AMBRA1: variants seen among roughly 807,000 people sequenced by gnomAD.
AMBRA1 encodes the protein autophagy and beclin 1 regulator 1.
Under a neutral mutation model 125.4 loss-of-function variants are expected in AMBRA1, and 47 were observed. That is an observed-to-expected ratio of 0.37 (90% CI 0.30 to 0.48). AMBRA1 has a LOEUF of 0.48. Ranked by LOEUF, AMBRA1 falls within the 20% of genes least tolerant of loss-of-function variation. The pLI is 0.99. For synonymous variants in AMBRA1, 626 were observed against 655.5 expected (o/e 0.95, Z 0.69); for missense variants, 1,331 against 1,693.4 (o/e 0.79, Z 3.76).
At chr11:46,501,113 T>C (rs1950821659) in intron 9 of AMBRA1, among the ~76,000 whole-genome samples, 1 of 152,232 alleles carries the variant, frequency 6.6e-6, no homozygotes, top group African/African-American at 2.4e-5. Context: ...TGCTGTTTCA[T>C]GTTTCTATGA....
At chr11:46,462,327 C>T (rs1276277970) in intron 11 of AMBRA1, among the ~76,000 whole-genome samples, 1 of 152,160 alleles carries the variant, frequency 6.6e-6, no homozygotes, top group South Asian at 2.1e-4. Flanking sequence ...TATGGGAAAC[C>T]AGGAAATAAT....
chr11:46,517,513 T>C (rs1370203156), intron 7 of AMBRA1, among the ~76,000 whole-genome samples: 2 of 131,078 alleles, frequency 1.5e-5, no homozygotes, highest in Admixed American at 8.6e-5. Flanking sequence ...TGAAGGCCAC[T>C]GCTCTATCAA....
intron 1 of AMBRA1, among the ~76,000 whole-genome samples, chr11:46,581,039 C>A (rs2044150801): frequency 6.6e-6 from 1 of 152,060 alleles, no homozygotes; most frequent in African/African-American, 2.4e-5. Context: ...AGCAATCCAC[C>A]CGCCTCAGCC....
At chr11:46,496,344 T>G (rs1156467164) in intron 9 of AMBRA1, among the ~76,000 whole-genome samples, 1 of 152,164 alleles carries the variant, frequency 6.6e-6, no homozygotes, top group Non-Finnish European at 1.5e-5. Flanking sequence ...ATTGCGCCTT[T>G]GCACTCCAGC....
rs534235144 is a variant in AMBRA1, at chr11:46,458,942, A to G, written c.2522-15344T>C. ...GGGACTGGCTGAATTATACAGAACC[A>G]AATCATAATTTAAAGGAGTTTTTAG... On this transcript the variant is annotated intron_variant, in intron 11 of 17. Coordinates refer to ENST00000683756, the MANE Select transcript of AMBRA1 (RefSeq NM_001387011.1). 3.3e-5 allele frequency among the ~76,000 whole-genome samples: 5 copies of G among 152,358 alleles called. 1 individual carries two copies. The South Asian group carries it at 1.0e-3, about 32-fold the overall frequency.
chr11:46,463,797 G>A (rs1183723675), intron 11 of AMBRA1, among the ~76,000 whole-genome samples: 1 of 152,198 alleles, frequency 6.6e-6, no homozygotes, highest in Non-Finnish European at 1.5e-5. Context: ...TATAACTGCA[G>A]CCAAAACAAA....
chr11:46,449,118 A>G (rs1948451315), intron 11 of AMBRA1, among the ~76,000 whole-genome samples: 1 of 152,192 alleles, frequency 6.6e-6, no homozygotes. Flanking sequence ...TTTCCCCCTA[A>G]GACCAGGAAC....
intron 1 of AMBRA1, among the ~76,000 whole-genome samples, chr11:46,550,367 C>G (rs2042955342): frequency 6.6e-6 from 1 of 152,170 alleles, no homozygotes; most frequent in Non-Finnish European, 1.5e-5. Flanking sequence ...ACTGTACCAT[C>G]ATTAGTGATC....
At chr11:46,442,989 T>C (rs1298927171) in intron 12 of AMBRA1, among the ~76,000 whole-genome samples, 1 of 152,202 alleles carries the variant, frequency 6.6e-6, no homozygotes, top group Non-Finnish European at 1.5e-5. Context: ...CCCAAAGTGC[T>C]GGGATTACAG....
chr11:46,580,546 G>A (rs935633509), intron 1 of AMBRA1, among the ~76,000 whole-genome samples: 3 of 152,096 alleles, frequency 2.0e-5, no homozygotes, highest in African/African-American at 4.8e-5. Flanking sequence ...CAGATGCTCA[G>A]GCCAAAAATC....
At chr11:46,515,162 C>G (rs1951420822) in intron 7 of AMBRA1, among the ~76,000 whole-genome samples, 1 of 152,134 alleles carries the variant, frequency 6.6e-6, no homozygotes, top group African/African-American at 2.4e-5. Flanking sequence ...CAAGCAGCAT[C>G]CTCCACAGTG....
At chr11:46,554,530 T>C (rs1280625052) in intron 1 of AMBRA1, among the ~76,000 whole-genome samples, 1 of 152,196 alleles carries the variant, frequency 6.6e-6, no homozygotes, top group Non-Finnish European at 1.5e-5. Context: ...GCTTTACTGA[T>C]GGGAAGAAGT....
chr11:46,518,136 A>C, intron 7 of AMBRA1: 2 of 984,996 alleles, frequency 2.0e-6, no homozygotes, highest in Non-Finnish European at 2.4e-6. Flanking sequence ...TGTTTTCAGA[A>C]GAATTACTCA....
At chr11:46,428,771 T>C in intron 14 of AMBRA1, 3 of 1,611,230 alleles carry the variant, frequency 1.9e-6, no homozygotes, top group Non-Finnish European at 1.7e-6. Context: ...ACTCCGTCTG[T>C]AGGTATCTCT....
chr11:46,512,665 G>A, intron 8 of AMBRA1, 62 bp downstream of exon 8: 1 of 1,390,804 alleles, frequency 7.2e-7, no homozygotes, highest in South Asian at 1.2e-5. Context: ...GCTTCCAACA[G>A]TGTGGCAACC....
chr11:46,573,145 C>T (rs1565312279), intron 1 of AMBRA1, among the ~76,000 whole-genome samples: 1 of 151,396 alleles, frequency 6.6e-6, no homozygotes, highest in South Asian at 2.1e-4. Flanking sequence ...TGGCTCATGC[C>T]TGTAATCCTA....
Position 46,571,430 on chromosome 11 carries a change from G to A in AMBRA1, c.-121+22398C>T, listed in dbSNP as rs370148584. Among the ~76,000 whole-genome samples, 13 of 152,252 alleles carry A rather than the reference G, an allele frequency of 8.5e-5. No homozygotes were observed. In the East Asian group the frequency reaches 1.9e-3, roughly 23 times the overall value. On this transcript the variant is annotated intron_variant, in intron 1 of 17. Transcript: ENST00000683756. Reference sequence around the variant, plus strand: ...GTGGTTCACTTCTGTAATCCCAGTGGTTTGGGAGGCAAAGCAGAAGGAGTG... The same window carrying A: ...GTGGTTCACTTCTGTAATCCCAGTGATTTGGGAGGCAAAGCAGAAGGAGTG...
chr11:46,542,294 G>C lies in AMBRA1; in HGVS notation c.1723C>G (p.Leu575Val). 1 of 1,614,144 alleles carries C rather than the reference G, an allele frequency of 6.2e-7. No individual in the cohort carries two copies. The highest frequency in any genetic ancestry group is 2.2e-5 in the East Asian group (1 of 44,888). ...LNRCRACHNL[L>V]TFNNDTLRWE... The stretch of plus-strand genomic sequence containing the variant: ...CGCAGGGTATCGTTGTTGAAGGTCA[G>C]GAGATTGTGGCAAGCACGACAGCGA... The change falls in exon 7 of 18, where the codon CTG (leucine) becomes GTG (valine). Residue 575 changes from leucine to valine, a missense_variant. Transcript: ENST00000683756. The surrounding 1 kb of genome is among the most constrained non-coding windows in gnomAD (Gnocchi z 5.9).
chr11:46,590,980 A>G (rs1228655111), intron 1 of AMBRA1: 2 of 152,162 alleles, frequency 1.3e-5, no homozygotes, highest in African/African-American at 4.8e-5. Flanking sequence ...AGCATGAGAT[A>G]AGTTGATTAA....
Sources: gnomAD v4.1 joint callset for allele counts (sites outside exome capture counted in the v4.1 genomes callset) on GRCh38, gnomAD v4.1.1 for gene constraint, Gnocchi (gnomAD v3.1) non-coding constraint, MANE v1.5 for transcripts, NCBI Gene and HGNC (gene_info 2026-07-23, HGNC 2026-07-21) for gene names.